The following PDGFRL variants were observed in gnomAD, a reference collection of about 807,000 sequenced individuals.
The protein encoded by PDGFRL is platelet-derived growth factor receptor-like protein.
In PDGFRL, 46 loss-of-function variants were observed where a neutral mutation model predicts 37.2. That is an observed-to-expected ratio of 1.24 (90% CI 0.98 to 1.58). The LOEUF is 1.58. Ranked by LOEUF, PDGFRL falls within the 40% of genes most tolerant of loss-of-function variation. The pLI is 0.00. For missense variants in PDGFRL, 692 were observed against 467.6 expected (o/e 1.48, Z -4.43); for synonymous variants, 251 against 184.3 (o/e 1.36, Z -2.93).
intron 2 of PDGFRL, among the ~76,000 whole-genome samples, chr8:17,614,635 G>A (rs964456838): frequency 6.6e-6 from 1 of 152,158 alleles, no homozygotes; most frequent in African/African-American, 2.4e-5. Flanking sequence ...CTGGAGTGTA[G>A]TGGCACAATC....
At chr8:17,608,348 T>C (rs1804329247) in intron 2 of PDGFRL, among the ~76,000 whole-genome samples, 1 of 152,182 alleles carries the variant, frequency 6.6e-6, no homozygotes. Context: ...TGAACTTGAC[T>C]TCATAGCTGG....
chr8:17,626,386 G>A (rs1264461349), intron 3 of PDGFRL, among the ~76,000 whole-genome samples: 2 of 152,140 alleles, frequency 1.3e-5, no homozygotes, highest in African/African-American at 4.8e-5. Context: ...AAAAGACGGA[G>A]ACTCTCTGAG....
At chr8:17,632,123 G>C (rs890910199) in intron 4 of PDGFRL, among the ~76,000 whole-genome samples, 2 of 152,094 alleles carry the variant, frequency 1.3e-5, no homozygotes, top group Non-Finnish European at 2.9e-5. Flanking sequence ...TTCACCCACG[G>C]GTCAGGCCTG....
chr8:17,591,798 C>G (rs1016238736), intron 2 of PDGFRL, among the ~76,000 whole-genome samples: 1 of 152,116 alleles, frequency 6.6e-6, no homozygotes, highest in African/African-American at 2.4e-5. Context: ...TCTCTAGTCC[C>G]AGCTACTCGG....
intron 2 of PDGFRL, among the ~76,000 whole-genome samples, chr8:17,610,775 G>A (rs546743746): frequency 6.6e-6 from 1 of 152,120 alleles, no homozygotes; most frequent in Non-Finnish European, 1.5e-5. Context: ...GCCGGGCCTG[G>A]TGGCGCATGC....
At chr8:17,636,143 T>C (rs1804966138) in intron 5 of PDGFRL, among the ~76,000 whole-genome samples, 3 of 152,244 alleles carry the variant, frequency 2.0e-5, no homozygotes, top group Admixed American at 2.0e-4. Flanking sequence ...CTATCTTTGT[T>C]TTTGTTGCAT....
At chr8:17,641,907 T>C (rs1805118282) in intron 5 of PDGFRL, among the ~76,000 whole-genome samples, 1 of 694 alleles carries the variant, frequency 1.4e-3, no homozygotes, top group African/African-American at 3.0e-3. Flanking sequence ...CCCCGCCACA[T>C]TGCTATTTGG....
At chr8:17,595,027 C>T (rs1804022561) in intron 2 of PDGFRL, among the ~76,000 whole-genome samples, 1 of 151,170 alleles carries the variant, frequency 6.6e-6, no homozygotes, top group South Asian at 2.1e-4. Flanking sequence ...TCCTGATGTA[C>T]ATCCTGATGT....
chr8:17,602,618 A>G (rs751070169), intron 2 of PDGFRL, among the ~76,000 whole-genome samples: 7 of 152,168 alleles, frequency 4.6e-5, no homozygotes, highest in Non-Finnish European at 1.0e-4. Context: ...TTGAAATTCC[A>G]CATTGATTTA....
intron 2 of PDGFRL, among the ~76,000 whole-genome samples, chr8:17,620,612 A>G (rs1585324504): frequency 6.6e-6 from 1 of 152,188 alleles, no homozygotes; most frequent in East Asian, 1.9e-4. Context: ...GTTTTGACAA[A>G]TGTATAATAT....
At chr8:17,602,887 A>G (rs913211342) in intron 2 of PDGFRL, among the ~76,000 whole-genome samples, 5 of 152,244 alleles carry the variant, frequency 3.3e-5, no homozygotes, top group African/African-American at 1.2e-4. Context: ...ACTTATACCT[A>G]TGGTCCTTTC....
At chr8:17,625,475 C>T (rs182629112) in intron 3 of PDGFRL, among the ~76,000 whole-genome samples, 115 of 151,492 alleles carry the variant, frequency 7.6e-4, no homozygotes, top group African/African-American at 2.7e-3. Context: ...ATCTAAAATC[C>T]CATGTGTTTA....
At chr8:17,634,012 G>C in intron 4 of PDGFRL, 62 bp from the exon 5 acceptor site, 2 of 1,518,688 alleles carry the variant, frequency 1.3e-6, no homozygotes, top group South Asian at 1.1e-5. Flanking sequence ...GAATGCATCT[G>C]TAGGTTTGTT....
At chr8:17,582,237 A>G (rs916263187) in intron 1 of PDGFRL, among the ~76,000 whole-genome samples, 3 of 152,114 alleles carry the variant, frequency 2.0e-5, no homozygotes, top group African/African-American at 7.2e-5. Context: ...AGGGTATCCT[A>G]AAGAAGAAAT....
chr8:17,594,821 G>C (rs1464529123), intron 2 of PDGFRL, among the ~76,000 whole-genome samples: 2 of 152,162 alleles, frequency 1.3e-5, no homozygotes, highest in African/African-American at 2.4e-5. Context: ...GATTACAGGC[G>C]TGAGCCACTG....
intron 1 of PDGFRL, among the ~76,000 whole-genome samples, chr8:17,579,645 C>A (rs186190163): frequency 6.6e-6 from 1 of 151,540 alleles, no homozygotes; most frequent in African/African-American, 2.4e-5. Context: ...TAGCTCACTG[C>A]GACTTCCACT....
intron 4 of PDGFRL, 95 bp downstream of exon 4, chr8:17,628,875 A>C: frequency 1.3e-6 from 1 of 772,602 alleles, no homozygotes; most frequent in Non-Finnish European, 2.1e-6. Context: ...AGGAAGCTCC[A>C]TGAGTGCCTT....
chr8:17,585,028 T>A (rs1803786298), intron 1 of PDGFRL, among the ~76,000 whole-genome samples: 1 of 152,130 alleles, frequency 6.6e-6, no homozygotes, highest in Admixed American at 6.5e-5. Flanking sequence ...AACTGAGGGT[T>A]CCTCTCCTTT....
At chr8:17,578,631 C>A (rs1301100457) in intron 1 of PDGFRL, among the ~76,000 whole-genome samples, 2 of 152,128 alleles carry the variant, frequency 1.3e-5, no homozygotes, top group East Asian at 3.8e-4. Flanking sequence ...CAGGAGATGG[C>A]CAGGCAAAAT....
Sources: allele counts gnomAD v4.1 joint callset (sites outside exome capture counted in the v4.1 genomes callset), GRCh38; gene constraint gnomAD v4.1.1; transcripts MANE v1.5; gene names NCBI Gene and HGNC (gene_info 2026-07-23, HGNC 2026-07-21).